Variants in PCDH11X observed in about 807,000 individuals in gnomAD.
PCDH11X encodes the protein protocadherin-11 X-linked.
Under a neutral mutation model 53.3 loss-of-function variants are expected in PCDH11X, and 18 were observed. The ratio of observed to expected loss-of-function variants is 0.34; its 90% CI spans 0.23 to 0.50. PCDH11X has a LOEUF of 0.50. Among genes scored for constraint, PCDH11X ranks in the 20% least tolerant of loss-of-function variants. The pLI, the probability that PCDH11X is intolerant of heterozygous loss-of-function variation, is 0.98. For missense variants in PCDH11X, 570 were observed against 1,032.4 expected, an observed-to-expected ratio of 0.55 and a Z score of 6.14; for synonymous variants, 279 against 393.3, an observed-to-expected ratio of 0.71 and a Z score of 3.44.
At chrX:92,581,884 T>C (rs1457678944) in intron 10 of PCDH11X, among the ~76,000 whole-genome samples, 1 of 104,315 alleles carries the variant, frequency 9.6e-6, no homozygotes, top group Non-Finnish European at 2.0e-5. Flanking sequence ...AGGAACTTGT[T>C]GAACACTGGA....
intron 6 of PCDH11X, among the ~76,000 whole-genome samples, chrX:92,122,417 A>C (rs771471926): frequency 8.9e-6 from 1 of 112,080 alleles, no homozygotes; most frequent in Non-Finnish European, 1.9e-5. Flanking sequence ...TGGTGTTTTC[A>C]TGACCAGTTT....
intron 10 of PCDH11X, among the ~76,000 whole-genome samples, chrX:92,540,421 G>T (rs1293540252): frequency 9.4e-6 from 1 of 106,850 alleles, no homozygotes; most frequent in Non-Finnish European, 1.9e-5. Context: ...AGATTGTAGT[G>T]AATGTTGCCA....
rs1481009206 is a variant in PCDH11X, at chrX:91,811,218, T to G, written c.-103-19T>G. Reference sequence around the variant, plus strand: ...AGACCTTTTTCTTCCCCTCCCTCTTTTTATCCCCCACTCAACAGCTGATTG... The same window carrying G: ...AGACCTTTTTCTTCCCCTCCCTCTTGTTATCCCCCACTCAACAGCTGATTG... On this transcript the variant is annotated intron_variant, in intron 3 of 10. Transcript: ENST00000682573. 1 of 1,192,397 alleles carries G rather than the reference T, an allele frequency of 8.4e-7. No individual in the cohort carries two copies. Among genetic ancestry groups the G allele is most frequent in the African/African-American group, 1.8e-5 (1 of 55,852 alleles).
chrX:92,518,748 A>AT (rs762759156), intron 10 of PCDH11X, among the ~76,000 whole-genome samples: 666 of 59,416 alleles, frequency 0.011, 18 homozygotes, highest in African/African-American at 0.019. Context: ...TACCAATAAA[A>AT]TTTTTTTTTT....
intron 6 of PCDH11X, among the ~76,000 whole-genome samples, chrX:92,085,653 G>A (rs151199602): frequency 0.021 from 2,353 of 109,629 alleles, 61 homozygotes; most frequent in African/African-American, 0.074. Context: ...ACCATCTGGC[G>A]TATTGAGACT....
At chrX:92,155,659 C>T (rs1184328455) in intron 6 of PCDH11X, among the ~76,000 whole-genome samples, 1 of 98,768 alleles carries the variant, frequency 1.0e-5, no homozygotes, top group Non-Finnish European at 2.0e-5. Flanking sequence ...CAGAGTCTCG[C>T]TCTGTCGCCC....
intron 9 of PCDH11X, among the ~76,000 whole-genome samples, chrX:92,431,522 A>G (rs1402933524): frequency 5.4e-5 from 6 of 110,629 alleles, no homozygotes; most frequent in African/African-American, 2.0e-4. Flanking sequence ...AGCATTTGAA[A>G]ATGTGCAGAA....
chrX:92,528,061 A>G (rs1449628771), intron 10 of PCDH11X, among the ~76,000 whole-genome samples: 1 of 111,873 alleles, frequency 8.9e-6, no homozygotes, highest in Non-Finnish European at 1.9e-5. Context: ...AACACGAGTC[A>G]TAAACAGAAT....
rs1306524001 is a variant in PCDH11X, at chrX:92,203,431, AT to A, written c.3114+1977del. ...CATGCACTGTGAGAAGATATGATTA[AT>A]ATTATAAAGGTAAATCCCAACCCAG... On this transcript the variant is annotated intron_variant, in intron 7 of 10. Coordinates refer to ENST00000682573, the MANE Select transcript of PCDH11X (RefSeq NM_032968.5). Among the ~76,000 whole-genome samples the A allele has an allele frequency of 3.6e-5, 4 of 112,573 alleles. No homozygotes were observed. The East Asian group carries it at 1.1e-3, about 32-fold the overall frequency.
intron 6 of PCDH11X, among the ~76,000 whole-genome samples, chrX:91,887,760 G>T (rs1157186458): frequency 1.8e-5 from 2 of 110,423 alleles, no homozygotes; most frequent in Admixed American, 1.9e-4. Flanking sequence ...CTTTTTACAT[G>T]TATTGAAGAC....
At chrX:92,289,892 G>T (rs1441001420) in intron 8 of PCDH11X, among the ~76,000 whole-genome samples, 2 of 111,234 alleles carry the variant, frequency 1.8e-5, no homozygotes, top group African/African-American at 6.5e-5. Context: ...TCCCAGGAAA[G>T]CTTATCATTT....
At chrX:92,472,602 T>C (rs1364594576) in intron 10 of PCDH11X, among the ~76,000 whole-genome samples, 1 of 109,850 alleles carries the variant, frequency 9.1e-6, no homozygotes, top group Non-Finnish European at 1.9e-5. Flanking sequence ...CTATTAGGGC[T>C]ATTTTTGGTA....
intron 10 of PCDH11X, among the ~76,000 whole-genome samples, chrX:92,481,414 T>C (rs796361772): frequency 9.0e-6 from 1 of 110,852 alleles, no homozygotes; most frequent in South Asian, 3.9e-4. Context: ...GGCCTGAGGG[T>C]AGGTGCAGTT....
intron 6 of PCDH11X, among the ~76,000 whole-genome samples, chrX:92,131,801 C>G (rs2064976553): frequency 9.1e-6 from 1 of 109,442 alleles, no homozygotes. Flanking sequence ...TTGGGGAGTT[C>G]CTGGAGGACT....
At chrX:92,265,063 C>A (rs974061210) in intron 8 of PCDH11X, among the ~76,000 whole-genome samples, 1 of 108,838 alleles carries the variant, frequency 9.2e-6, no homozygotes, top group African/African-American at 3.3e-5. Context: ...CAGAGATAAG[C>A]AGAATCTTTT....
intron 10 of PCDH11X, among the ~76,000 whole-genome samples, chrX:92,554,624 A>G (rs760419347): frequency 6.4e-5 from 7 of 109,436 alleles, no homozygotes; most frequent in Non-Finnish European, 1.3e-4. Context: ...TTAAATTGAT[A>G]TATTATTAAT....
intron 6 of PCDH11X, among the ~76,000 whole-genome samples, chrX:92,155,785 C>A (rs2065522989): frequency 9.1e-6 from 1 of 109,549 alleles, no homozygotes; most frequent in African/African-American, 3.3e-5. Flanking sequence ...CGCCACCGCG[C>A]CCGGCTAATT....
intron 9 of PCDH11X, among the ~76,000 whole-genome samples, chrX:92,411,731 A>G (rs2071653074): frequency 9.4e-6 from 1 of 106,483 alleles, no homozygotes; most frequent in African/African-American, 3.4e-5. Context: ...ATAGTGTTGC[A>G]CTTTTTTTAA....
chrX:92,239,176 A>T (rs756347966), intron 7 of PCDH11X, among the ~76,000 whole-genome samples: 1 of 111,798 alleles, frequency 8.9e-6, no homozygotes, highest in African/African-American at 3.2e-5. Flanking sequence ...TTGACTCAAG[A>T]AGCAAGAAGA....
Sources: allele counts gnomAD v4.1 joint callset (sites outside exome capture counted in the v4.1 genomes callset), GRCh38; gene constraint gnomAD v4.1.1; transcripts MANE v1.5; gene names NCBI Gene and HGNC (gene_info 2026-07-23, HGNC 2026-07-21).